The following DIP2C variants were observed in gnomAD, a reference collection of about 807,000 sequenced individuals.
The protein encoded by DIP2C is disco-interacting protein 2 homolog C.
In DIP2C, 33 loss-of-function variants were observed where a neutral mutation model predicts 192.4. That is an observed-to-expected ratio of 0.17 (90% CI 0.13 to 0.23). The LOEUF is 0.23. Among genes scored for constraint, DIP2C ranks in the 10% least tolerant of loss-of-function variants. The pLI is 1.00. For missense variants in DIP2C, 1,537 were observed against 2,110.1 expected (o/e 0.73, Z 5.32); for synonymous variants, 979 against 864.1 (o/e 1.13, Z -2.33).
At chr10:393,216 T>C (rs1028252321) in intron 10 of DIP2C, among the ~76,000 whole-genome samples, 1 of 152,218 alleles carries the variant, frequency 6.6e-6, no homozygotes, top group Non-Finnish European at 1.5e-5. Flanking sequence ...TCAGGGTCTT[T>C]ATTCGAAGAC....
chr10:570,719 G>A (rs1023129321), intron 1 of DIP2C, among the ~76,000 whole-genome samples: 2 of 152,186 alleles, frequency 1.3e-5, no homozygotes, highest in African/African-American at 2.4e-5. Flanking sequence ...TTGAGAGGAG[G>A]AAGCTTTGTA....
At chr10:556,776 G>A (rs7098672) in intron 1 of DIP2C, among the ~76,000 whole-genome samples, 24,715 of 152,046 alleles carry the variant, frequency 0.16, 2,771 homozygotes, top group African/African-American at 0.31. Context: ...TGCATCAAGC[G>A]AAAGACAGAA....
At chr10:569,778 T>C (rs1175799087) in intron 1 of DIP2C, among the ~76,000 whole-genome samples, 1 of 151,710 alleles carries the variant, frequency 6.6e-6, no homozygotes, top group African/African-American at 2.4e-5. Flanking sequence ...AAGGCAGGGG[T>C]AGGGAGGAGA....
At chr10:391,705 G>A (rs1963467652) in intron 10 of DIP2C, among the ~76,000 whole-genome samples, 1 of 152,298 alleles carries the variant, frequency 6.6e-6, no homozygotes, top group East Asian at 1.9e-4. Flanking sequence ...ATGCCACATT[G>A]TAGTGAGCAA....
At chr10:362,253 C>T (rs988759601) in intron 22 of DIP2C, among the ~76,000 whole-genome samples, 1 of 152,304 alleles carries the variant, frequency 6.6e-6, no homozygotes, top group African/African-American at 2.4e-5. Flanking sequence ...CAGTAAGTTA[C>T]GTGCTGACGA....
chr10:528,593 G>A (rs1311502445), intron 1 of DIP2C, among the ~76,000 whole-genome samples: 1 of 152,234 alleles, frequency 6.6e-6, no homozygotes, highest in African/African-American at 2.4e-5. Flanking sequence ...AGGAGGCGCT[G>A]TGCAGATGGC....
chr10:371,890 C>A (rs1961006839), intron 17 of DIP2C, among the ~76,000 whole-genome samples: 1 of 152,182 alleles, frequency 6.6e-6, no homozygotes, highest in Admixed American at 6.5e-5. Context: ...AGCCGGAATA[C>A]GCTATCTTAG....
chr10:487,761 T>C (rs1844133800), intron 1 of DIP2C, among the ~76,000 whole-genome samples: 1 of 151,876 alleles, frequency 6.6e-6, no homozygotes, highest in African/African-American at 2.4e-5. Context: ...GTATTTTTAG[T>C]AGAGACAGGG....
At chr10:519,573 C>A (rs1038822701) in intron 1 of DIP2C, among the ~76,000 whole-genome samples, 1 of 152,184 alleles carries the variant, frequency 6.6e-6, no homozygotes, top group Non-Finnish European at 1.5e-5. Flanking sequence ...GCTGGCACCA[C>A]GAGCCTGGGA....
chr10:392,057 G>C (rs761689739), intron 10 of DIP2C, among the ~76,000 whole-genome samples: 3 of 152,160 alleles, frequency 2.0e-5, no homozygotes, highest in Non-Finnish European at 4.4e-5. Context: ...GGAGCTCTGC[G>C]GACAGATGGA....
chr10:451,810 G>T (rs1022260700), intron 3 of DIP2C, among the ~76,000 whole-genome samples: 1 of 152,188 alleles, frequency 6.6e-6, no homozygotes, highest in Non-Finnish European at 1.5e-5. Context: ...GCAATCATGT[G>T]GGGAAGGATG....
intron 3 of DIP2C, among the ~76,000 whole-genome samples, chr10:458,351 G>A (rs1969474205): frequency 6.6e-6 from 1 of 152,252 alleles, no homozygotes; most frequent in South Asian, 2.1e-4. Context: ...GACTGACTCA[G>A]GAAAGATAAA....
rs1248992833 is a variant in DIP2C at position 378,941 on chromosome 10, A to G, written c.1991+3706T>C. On this transcript the variant is annotated intron_variant, in intron 17 of 36. Coordinates refer to ENST00000280886, the MANE Select transcript of DIP2C (RefSeq NM_014974.3). ...CATGCGTGAGGACAGGCGAGTCACCAGCCCTTGTCCCTTCAAAGTCTCCGA... is the reference window on the plus strand; with the variant it reads ...CATGCGTGAGGACAGGCGAGTCACCGGCCCTTGTCCCTTCAAAGTCTCCGA... Among the ~76,000 whole-genome samples, 3 of 152,370 alleles carry G rather than the reference A, an allele frequency of 2.0e-5. No individual in the cohort carries two copies. In the South Asian group the frequency reaches 6.2e-4, roughly 32 times the overall value.
At chr10:405,311 T>A (rs1359544288) in intron 9 of DIP2C, among the ~76,000 whole-genome samples, 1 of 152,230 alleles carries the variant, frequency 6.6e-6, no homozygotes, top group East Asian at 1.9e-4. Flanking sequence ...AAATTCTCAC[T>A]GATTTATCAC....
At chr10:592,676 A>ATTGT (rs1851470280) in intron 1 of DIP2C, among the ~76,000 whole-genome samples, 1 of 152,152 alleles carries the variant, frequency 6.6e-6, no homozygotes. Flanking sequence ...AATAATGACA[A>ATTGT]CACTATTTTT....
At chr10:382,891 A>C in intron 16 of DIP2C, 130 bp from the exon 17 acceptor site, 1 of 531,550 alleles carries the variant, frequency 1.9e-6, no homozygotes, top group Non-Finnish European at 3.2e-6. Flanking sequence ...AAAAATATTT[A>C]ATACAATTTA....
intron 1 of DIP2C, among the ~76,000 whole-genome samples, chr10:610,322 G>C (rs1290678452): frequency 1.3e-5 from 2 of 152,232 alleles, no homozygotes. Flanking sequence ...AGCATGGGGA[G>C]AGGCTGGTAA....
chr10:606,542 A>C lies in DIP2C; in HGVS notation c.85+82952T>G, dbSNP rs560956880. 2.0e-5 allele frequency among the ~76,000 whole-genome samples: 3 copies of C among 147,606 alleles called. No individual in the cohort carries two copies. The East Asian group carries it at 6.1e-4, about 30-fold the overall frequency. Reference sequence around the variant, plus strand: ...CCCGCTGCCGTAATTACCTGCTGTGATCCGAATTCTCATTGGTTGGGAAGG... The same window carrying C: ...CCCGCTGCCGTAATTACCTGCTGTGCTCCGAATTCTCATTGGTTGGGAAGG... On this transcript the variant is annotated intron_variant, in intron 1 of 36. Coordinates refer to ENST00000280886, the MANE Select transcript of DIP2C (RefSeq NM_014974.3).
chr10:321,544 A>T (rs1233373029), intron 31 of DIP2C, among the ~76,000 whole-genome samples: 1 of 130,234 alleles, frequency 7.7e-6, no homozygotes, highest in African/African-American at 2.9e-5. Flanking sequence ...GGCTCCAGCG[A>T]GAGACCGGCG....
Sources: gnomAD v4.1 joint callset for allele counts (sites outside exome capture counted in the v4.1 genomes callset) on GRCh38, gnomAD v4.1.1 for gene constraint, MANE v1.5 for transcripts, NCBI Gene and HGNC (gene_info 2026-07-23, HGNC 2026-07-21) for gene names.